Variants in MPDZ observed in about 807,000 individuals in gnomAD.
MPDZ encodes multiple PDZ domain crumbs cell polarity complex component.
A neutral mutation model predicts 239.1 loss-of-function variants in MPDZ; 234 were observed. The observed-to-expected ratio is 0.98, with a 90% CI of 0.88 to 1.09. The LOEUF (loss-of-function observed/expected upper bound fraction) is 1.09. MPDZ is among the 50% of genes least tolerant of loss of function. The pLI, the probability that MPDZ is intolerant of heterozygous loss-of-function variation, is 0.00. For synonymous variants in MPDZ, 1,048 were observed against 881.3 expected (o/e 1.19, Z -3.35); for missense variants, 3,175 against 2,510.0 (o/e 1.26, Z -5.66).
chr9:13,108,457 A>C (rs1192444383), intron 46 of MPDZ, among the ~76,000 whole-genome samples: 1 of 152,064 alleles, frequency 6.6e-6, no homozygotes, highest in Non-Finnish European at 1.5e-5. Flanking sequence ...TTTTTTCAGT[A>C]GTTATTTTTG....
chr9:13,170,697 A>T (rs191081101), intron 21 of MPDZ, among the ~76,000 whole-genome samples: 1 of 152,198 alleles, frequency 6.6e-6, no homozygotes, highest in Non-Finnish European at 1.5e-5. Context: ...CAAGACACAG[A>T]CATGGAACCT....
chr9:13,236,013 A>G (rs1963841028), intron 3 of MPDZ, among the ~76,000 whole-genome samples: 1 of 151,800 alleles, frequency 6.6e-6, no homozygotes, highest in African/African-American at 2.4e-5. Context: ...GCTTTTATAC[A>G]ATGCTGTCGA....
At chr9:13,200,370 T>C (rs1188938618) in intron 12 of MPDZ, among the ~76,000 whole-genome samples, 1 of 152,010 alleles carries the variant, frequency 6.6e-6, no homozygotes, top group African/African-American at 2.4e-5. Flanking sequence ...GGATTTCATT[T>C]ACCTTTACAA....
At chr9:13,155,077 C>CAACCTTAAAAAGCA (rs1426436857) in intron 24 of MPDZ, among the ~76,000 whole-genome samples, 5 of 150,054 alleles carry the variant, frequency 3.3e-5, no homozygotes, top group South Asian at 5.0e-4. Flanking sequence ...ATTAGCTGGG[C>CAACCTTAAAAAGCA]ATGGTGGTGC....
chr9:13,193,469 C>A (rs1955223356), intron 13 of MPDZ, among the ~76,000 whole-genome samples, 156 bp from the exon 14 acceptor site: 2 of 152,110 alleles, frequency 1.3e-5, no homozygotes, highest in African/African-American at 2.4e-5. Flanking sequence ...GGGGCTTTTC[C>A]TTTGAAAGAG....
chr9:13,231,552 T>C (rs1587983253), intron 3 of MPDZ, among the ~76,000 whole-genome samples: 1 of 151,990 alleles, frequency 6.6e-6, no homozygotes, highest in African/African-American at 2.4e-5. Context: ...AGCAACTCTA[T>C]TTAAAAAAAT....
At chr9:13,230,134 G>T (rs1408743509) in intron 3 of MPDZ, among the ~76,000 whole-genome samples, 5 of 152,044 alleles carry the variant, frequency 3.3e-5, no homozygotes, top group Non-Finnish European at 7.4e-5. Flanking sequence ...AAATCAAAAA[G>T]AAATATCACT....
At chr9:13,248,252 A>C (rs1966876211) in intron 2 of MPDZ, among the ~76,000 whole-genome samples, 1 of 151,348 alleles carries the variant, frequency 6.6e-6, no homozygotes, top group Non-Finnish European at 1.5e-5. Context: ...AAACCTGTAG[A>C]GAAAGTACAC....
intron 1 of MPDZ, among the ~76,000 whole-genome samples, chr9:13,252,566 CGCAAA>C (rs1968351802): frequency 1.6e-5 from 1 of 63,020 alleles, no homozygotes; most frequent in African/African-American, 5.2e-5. Flanking sequence ...CTCTGTCCCC[CGCAAA>C]AAAAAAAAAA....
intron 25 of MPDZ, among the ~76,000 whole-genome samples, 176 bp downstream of exon 25, chr9:13,150,335 T>C (rs1487281067): frequency 1.3e-5 from 2 of 152,048 alleles, no homozygotes; most frequent in African/African-American, 2.4e-5. Flanking sequence ...TTTACTCGAA[T>C]GCTGGGTTGA....
intron 42 of MPDZ, among the ~76,000 whole-genome samples, 180 bp downstream of exon 42, chr9:13,112,831 T>A (rs1401601109): frequency 2.0e-5 from 3 of 152,186 alleles, no homozygotes; most frequent in Non-Finnish European, 4.4e-5. Flanking sequence ...ATTTTTCAAA[T>A]GAGGTGCTGT....
chr9:13,188,426 G>A (rs1334617487), intron 17 of MPDZ, among the ~76,000 whole-genome samples: 1 of 152,008 alleles, frequency 6.6e-6, no homozygotes. Flanking sequence ...TAGGAGGCAG[G>A]AGAATCGCTT....
intron 10 of MPDZ, among the ~76,000 whole-genome samples, chr9:13,208,861 A>C (rs1379549661): frequency 6.6e-6 from 1 of 152,096 alleles, no homozygotes; most frequent in African/African-American, 2.4e-5. Flanking sequence ...GGTGACTTGA[A>C]CATAAGTATC....
intron 12 of MPDZ, among the ~76,000 whole-genome samples, chr9:13,203,728 C>CCCCACA (rs976187994): frequency 2.1e-5 from 3 of 140,466 alleles, no homozygotes; most frequent in African/African-American, 8.0e-5. Flanking sequence ...ATGTATCCTG[C>CCCCACA]CACACACACA....
intron 6 of MPDZ, among the ~76,000 whole-genome samples, chr9:13,221,759 T>C (rs533022983): frequency 2.9e-4 from 44 of 152,030 alleles, no homozygotes; most frequent in African/African-American, 1.0e-3. Flanking sequence ...GGCATTGATT[T>C]GCAAGATCTT....
intron 3 of MPDZ, among the ~76,000 whole-genome samples, chr9:13,237,411 C>T (rs929442088): frequency 7.0e-6 from 1 of 143,866 alleles, no homozygotes; most frequent in Non-Finnish European, 1.5e-5. Context: ...CACTCCAGCC[C>T]AGTCTACGTG....
At chr9:13,130,173 T>C (rs923996551) in intron 32 of MPDZ, among the ~76,000 whole-genome samples, 1 of 152,200 alleles carries the variant, frequency 6.6e-6, no homozygotes, top group Non-Finnish European at 1.5e-5. Context: ...TCAATTGAAT[T>C]TGCATTTCAG....
chr9:13,271,479 C>T (rs749678901), intron 1 of MPDZ, among the ~76,000 whole-genome samples: 1 of 152,114 alleles, frequency 6.6e-6, no homozygotes, highest in Non-Finnish European at 1.5e-5. Flanking sequence ...CAGAAATGTC[C>T]GTTTGTAAAG....
intron 1 of MPDZ, chr9:13,279,077 G>A (rs1015080508): frequency 9.2e-5 from 14 of 151,916 alleles, no homozygotes; most frequent in African/African-American, 2.9e-4. Context: ...GGTGCTGAAA[G>A]GTCTAGGATT....
Sources: allele counts gnomAD v4.1 joint callset (sites outside exome capture counted in the v4.1 genomes callset), GRCh38; gene constraint gnomAD v4.1.1; transcripts MANE v1.5; gene names NCBI Gene and HGNC (gene_info 2026-07-23, HGNC 2026-07-21).